PKHD1: variants seen among roughly 807,000 people sequenced by gnomAD.
PKHD1 encodes the protein fibrocystin.
Under a neutral mutation model 412.0 loss-of-function variants are expected in PKHD1, and 291 were observed. The observed-to-expected ratio is 0.71, with a 90% CI of 0.64 to 0.78. The LOEUF is 0.78. Among genes scored for constraint, PKHD1 ranks in the 30% least tolerant of loss-of-function variants. The probability of loss-of-function intolerance (pLI) is 0.00; values close to 1 mark genes in which losing one functional copy is unlikely to be tolerated. For synonymous variants in PKHD1, 1,777 were observed against 1,821.5 expected (o/e 0.98, Z 0.62); for missense variants, 4,825 against 4,950.7 (o/e 0.97, Z 0.76).
Position 51,903,670 on chromosome 6 carries a change from G to GAT in PKHD1, c.6922_6923insAT (p.Ala2308AspfsTer11), listed in dbSNP as rs768630496. The GAT allele has an allele frequency of 6.2e-7, 1 of 1,610,068 alleles. No individual in the cohort carries two copies. Among genetic ancestry groups the GAT allele is most frequent in the African/African-American group, 1.3e-5 (1 of 74,624 alleles). The stretch of plus-strand genomic sequence containing the variant: ...CATTTCAGGATTGGAGAGTCCCTCG[G>GAT]CACCAGAAACCTGGATGATCACGTT... On this transcript the variant is annotated frameshift_variant, in exon 43 of 67. Coordinates refer to ENST00000371117, the MANE Select transcript of PKHD1 (RefSeq NM_138694.4). LOFTEE classifies it high-confidence loss of function.
At chr6:51,972,498 G>A (rs551466788) in intron 35 of PKHD1, among the ~76,000 whole-genome samples, 13 of 152,208 alleles carry the variant, frequency 8.5e-5, no homozygotes, top group Non-Finnish European at 1.9e-4. Context: ...CAGAGGTGGG[G>A]ATGAAATCTC....
intron 55 of PKHD1, among the ~76,000 whole-genome samples, chr6:51,771,056 T>A (rs1790015099): frequency 6.6e-6 from 1 of 152,112 alleles, no homozygotes; most frequent in South Asian, 2.1e-4. Flanking sequence ...TACAACATAC[T>A]GGCCTGCTTA....
At chr6:51,682,185 C>G in intron 60 of PKHD1, 1 of 455,312 alleles carries the variant, frequency 2.2e-6, no homozygotes, top group South Asian at 1.6e-5. Flanking sequence ...TATACTATCT[C>G]CTGCTTCAGG....
Position 52,042,958 on chromosome 6 carries a change from T to C in PKHD1, c.2998A>G (p.Arg1000Gly). ...VGMHRILMLV[R>G]PSGLAISATG... ...GCACTGATGGCAAGACCAGAGGGTC[T>C]CACCAACATCAAGATCCGATGCATT... is the stretch of plus-strand genomic sequence containing the variant. The change falls in exon 27 of 67, where the codon AGA becomes GGA. Residue 1000 changes from arginine to glycine, a missense_variant. Transcript: ENST00000371117. The C allele has an allele frequency of 6.2e-7, 1 of 1,613,990 alleles. No homozygotes were observed. The highest frequency in any genetic ancestry group is 1.1e-5 in the South Asian group (1 of 91,074).
intron 36 of PKHD1, among the ~76,000 whole-genome samples, chr6:51,941,236 C>CTTTTTTT (rs539546758): frequency 9.5e-5 from 6 of 63,082 alleles, no homozygotes; most frequent in Admixed American, 2.6e-4. Flanking sequence ...ACAGCATGGC[C>CTTTTTTT]TTTTTTTTTT....
chr6:51,833,208 G>C (rs1408110370), intron 51 of PKHD1, among the ~76,000 whole-genome samples: 1 of 152,094 alleles, frequency 6.6e-6, no homozygotes, highest in Non-Finnish European at 1.5e-5. Flanking sequence ...GGAATCTTTA[G>C]TTACTCCAAT....
intron 43 of PKHD1, among the ~76,000 whole-genome samples, chr6:51,892,064 C>A (rs905580438): frequency 6.6e-6 from 1 of 152,168 alleles, no homozygotes; most frequent in South Asian, 2.1e-4. Flanking sequence ...AAATAGACAG[C>A]CATTTCTTCC....
chr6:51,633,075 G>A (rs1361375427), intron 64 of PKHD1, among the ~76,000 whole-genome samples: 2 of 152,080 alleles, frequency 1.3e-5, no homozygotes, highest in Non-Finnish European at 1.5e-5. Context: ...CTCAGCTCCA[G>A]AATGTGTGAA....
At chr6:51,928,101 C>T (rs1385763425) in intron 37 of PKHD1, among the ~76,000 whole-genome samples, 2 of 152,118 alleles carry the variant, frequency 1.3e-5, no homozygotes, top group Non-Finnish European at 2.9e-5. Context: ...CCACCTGCCC[C>T]ATACTGACAA....
At chr6:51,888,736 T>G (rs1315550491) in intron 43 of PKHD1, among the ~76,000 whole-genome samples, 1 of 151,430 alleles carries the variant, frequency 6.6e-6, no homozygotes, top group Non-Finnish European at 1.5e-5. Context: ...AAATAACATG[T>G]TGGCTATTCT....
Position 52,062,516 on chromosome 6 carries a change from T to C in PKHD1, c.1118+3A>G. On this transcript the variant is annotated splice_donor_region_variant and intron_variant, in intron 14 of 66. Transcript: ENST00000371117. ...GTGGGCTCCCACTTTTCCTACAACA[T>C]ACCTGAAAGGTTGTCCTTCCTGTGA... The C allele has an allele frequency of 1.2e-6, 2 of 1,614,000 alleles. No individual in the cohort carries two copies. Among genetic ancestry groups the C allele is most frequent in the Non-Finnish European group, 1.7e-6 (2 of 1,179,870 alleles).
intron 50 of PKHD1, among the ~76,000 whole-genome samples, chr6:51,841,924 TC>T (rs1770281119): frequency 6.6e-6 from 1 of 152,212 alleles, no homozygotes; most frequent in Non-Finnish European, 1.5e-5. Flanking sequence ...GAGCCTAGGC[TC>T]CAACCCAGGA....
chr6:51,948,756 G>A (rs903379705), intron 36 of PKHD1, among the ~76,000 whole-genome samples: 1 of 152,152 alleles, frequency 6.6e-6, no homozygotes, highest in Admixed American at 6.5e-5. Flanking sequence ...TAAAGGTAGG[G>A]AAACAACTGT....
intron 55 of PKHD1, among the ~76,000 whole-genome samples, chr6:51,763,975 G>A (rs1295812060): frequency 1.4e-5 from 2 of 147,354 alleles, no homozygotes; most frequent in East Asian, 4.0e-4. Context: ...TATACTTTAA[G>A]TTTTAGGGTA....
At chr6:51,648,262 T>A (rs1309169212) in intron 62 of PKHD1, 144 bp from the exon 63 acceptor site, 2 of 616,434 alleles carry the variant, frequency 3.2e-6, no homozygotes, top group African/African-American at 1.8e-5. Context: ...TAAATAAATG[T>A]CTTTCTCATG....
chr6:51,856,107 A>T (rs765362292), intron 48 of PKHD1, 37 bp from the exon 49 acceptor site: 3 of 1,244,774 alleles, frequency 2.4e-6, no homozygotes, highest in Admixed American at 1.7e-5. Flanking sequence ...ATGGGTTGAG[A>T]GATTATTTGC....
intron 35 of PKHD1, among the ~76,000 whole-genome samples, chr6:51,980,641 C>T (rs1437176358): frequency 6.6e-6 from 1 of 152,112 alleles, no homozygotes; most frequent in African/African-American, 2.4e-5. Flanking sequence ...TCTTTTCTTA[C>T]AAGGGCAAAA....
intron 35 of PKHD1, chr6:51,975,708 G>A (rs1395702977): frequency 6.6e-6 from 1 of 151,498 alleles, no homozygotes; most frequent in African/African-American, 2.4e-5. Context: ...GCTGGGGCAG[G>A]AGGATTGCTT....
chr6:51,627,083 G>T lies in PKHD1; in HGVS notation c.11699C>A (p.Thr3900Asn), dbSNP rs746645550. The T allele has an allele frequency of 1.2e-6, 2 of 1,610,126 alleles. No individual in the cohort carries two copies. Among genetic ancestry groups the T allele is most frequent in the Non-Finnish European group, 8.5e-7 (1 of 1,176,540 alleles). Residue 3900 changes from threonine to asparagine, a missense_variant, in exon 66 of 67, where the codon ACT becomes AAT. Thr to Asn is a moderately conservative substitution (Grantham distance 65). Transcript: ENST00000371117. The part of the protein sequence containing the change: ...TKPEEIPESQ[T>N]NNQNIHIHIS... ...GTGGATATGAATATTTTGATTATTA[G>T]TCTGGGATTCAGGAATCTCTTCAGG...
Sources: allele counts gnomAD v4.1 joint callset (sites outside exome capture counted in the v4.1 genomes callset), GRCh38; gene constraint gnomAD v4.1.1; transcripts MANE v1.5; gene names NCBI Gene and HGNC (gene_info 2026-07-23, HGNC 2026-07-21).